Variants in CACNB2 observed in about 807,000 individuals in gnomAD.
CACNB2 encodes calcium voltage-gated channel auxiliary subunit beta 2.
A neutral mutation model predicts 73.3 loss-of-function variants in CACNB2; 42 were observed. That is an observed-to-expected ratio of 0.57 (90% CI 0.45 to 0.74). The LOEUF is 0.74. Ranked by LOEUF, CACNB2 falls within the 30% of genes least tolerant of loss-of-function variation. The pLI is 0.00. For synonymous variants in CACNB2, 348 were observed against 310.3 expected (o/e 1.12, Z -1.28); for missense variants, 940 against 853.0 (o/e 1.10, Z -1.27).
chr10:18,489,079 C>T (rs1334174224), intron 3 of CACNB2, among the ~76,000 whole-genome samples: 2 of 151,866 alleles, frequency 1.3e-5, no homozygotes, highest in Non-Finnish European at 2.9e-5. Flanking sequence ...TTTGGGAGGC[C>T]GAGGTGGGCG....
chr10:18,434,226 T>C (rs2046024835), intron 3 of CACNB2, among the ~76,000 whole-genome samples: 1 of 152,178 alleles, frequency 6.6e-6, no homozygotes, highest in Admixed American at 6.6e-5. Flanking sequence ...ATTTATATTA[T>C]AGAGTTCATA....
At chr10:18,224,785 C>A (rs1180101306) in intron 2 of CACNB2, among the ~76,000 whole-genome samples, 2 of 152,160 alleles carry the variant, frequency 1.3e-5, no homozygotes, top group East Asian at 3.9e-4. Flanking sequence ...TTACGGCCTG[C>A]CGAGCCAAAT....
chr10:18,448,478 TTAA>T (rs1440081082), intron 3 of CACNB2, among the ~76,000 whole-genome samples: 2 of 45,890 alleles, frequency 4.4e-5, no homozygotes, highest in African/African-American at 1.8e-4. Context: ...TCTCTCTCAT[TTAA>T]AAAAAAAAAA....
chr10:18,408,736 CA>C (rs543870002), intron 3 of CACNB2, among the ~76,000 whole-genome samples: 20 of 152,250 alleles, frequency 1.3e-4, no homozygotes, highest in African/African-American at 4.3e-4. Context: ...CACGTGTCAT[CA>C]GATAGAGAAG....
At chr10:18,169,514 A>C (rs1347559016) in intron 2 of CACNB2, among the ~76,000 whole-genome samples, 2 of 152,228 alleles carry the variant, frequency 1.3e-5, no homozygotes, top group African/African-American at 4.8e-5. Flanking sequence ...TAACAGGCAT[A>C]ATTGTACGGG....
rs867757412 is a variant in CACNB2 at position 18,489,042 on chromosome 10, G to A, written c.334-9313G>A. On this transcript the variant is annotated intron_variant, in intron 3 of 13. Coordinates refer to ENST00000324631, the MANE Select transcript of CACNB2 (RefSeq NM_201596.3). ...AAAATACAAAATATTGGCCGGGCAC[G>A]GTGGCTCACACTTATAATCCCAGCA... Among the ~76,000 whole-genome samples, 8 of 151,932 alleles carry A rather than the reference G, an allele frequency of 5.3e-5. No individual in the cohort carries two copies. The South Asian group carries it at 6.3e-4, about 12-fold the overall frequency.
intron 5 of CACNB2, among the ~76,000 whole-genome samples, chr10:18,503,282 A>G (rs532783694): frequency 6.6e-6 from 1 of 152,264 alleles, no homozygotes; most frequent in South Asian, 2.1e-4. Context: ...TGTATTGAAA[A>G]TGGTATCATA....
At chr10:18,325,431 G>A in intron 2 of CACNB2, among the ~76,000 whole-genome samples, 1 of 151,694 alleles carries the variant, frequency 6.6e-6, no homozygotes, top group Admixed American at 6.6e-5. Context: ...CTGGTCTCAG[G>A]CAATCCTCCT....
intron 7 of CACNB2, among the ~76,000 whole-genome samples, chr10:18,517,968 A>G (rs946632614): frequency 6.6e-6 from 1 of 152,258 alleles, no homozygotes; most frequent in Non-Finnish European, 1.5e-5. Flanking sequence ...AGAAAATTCA[A>G]ATGCAGCCGA....
intron 2 of CACNB2, among the ~76,000 whole-genome samples, chr10:18,306,726 T>C (rs2039744016): frequency 6.6e-6 from 1 of 152,162 alleles, no homozygotes; most frequent in African/African-American, 2.4e-5. Context: ...GCTTCTTTGT[T>C]GCCAAAGACT....
chr10:18,220,201 G>GTGTATA (rs1251166931), intron 2 of CACNB2, among the ~76,000 whole-genome samples: 244 of 23,230 alleles, frequency 0.011, 8 homozygotes, highest in South Asian at 0.02. Context: ...ATATGTGTGT[G>GTGTATA]TATATATATA....
chr10:18,378,176 T>C (rs1213377863), intron 2 of CACNB2, among the ~76,000 whole-genome samples: 1 of 152,148 alleles, frequency 6.6e-6, no homozygotes, highest in Non-Finnish European at 1.5e-5. Flanking sequence ...AATAAACTTC[T>C]CCCTAGACCT....
chr10:18,423,146 T>G (rs1374516395), intron 3 of CACNB2, among the ~76,000 whole-genome samples: 1 of 152,022 alleles, frequency 6.6e-6, no homozygotes, highest in African/African-American at 2.4e-5. Flanking sequence ...TTATCTTACC[T>G]GTTTTATGGG....
At chr10:18,340,913 G>T (rs2041206862) in intron 2 of CACNB2, 1 of 1,614,136 alleles carries the variant, frequency 6.2e-7, no homozygotes, top group Non-Finnish European at 8.5e-7. Context: ...GGGCGCACTT[G>T]GAATTGGTCT....
intron 3 of CACNB2, among the ~76,000 whole-genome samples, chr10:18,409,855 G>A (rs11818647): frequency 6.6e-6 from 1 of 152,112 alleles, no homozygotes; most frequent in Admixed American, 6.6e-5. Context: ...TCATCACTTA[G>A]GATGGAGATC....
At chr10:18,450,184 G>T (rs979465602) in intron 3 of CACNB2, among the ~76,000 whole-genome samples, 1 of 152,168 alleles carries the variant, frequency 6.6e-6, no homozygotes, top group African/African-American at 2.4e-5. Context: ...TAAAATGCCT[G>T]TGTGTTGTAT....
At chr10:18,224,907 T>G (rs896372643) in intron 2 of CACNB2, among the ~76,000 whole-genome samples, 1 of 152,160 alleles carries the variant, frequency 6.6e-6, no homozygotes, top group African/African-American at 2.4e-5. Context: ...GACAGGCACA[T>G]TCATCTATAC....
chr10:18,224,188 T>A (rs935288386), intron 2 of CACNB2: 5 of 152,164 alleles, frequency 3.3e-5, no homozygotes, highest in African/African-American at 1.2e-4. Flanking sequence ...TTTCTTGTCT[T>A]TTTTGGCTAG....
chr10:18,539,740 G>GTTTTT lies in CACNB2; in HGVS notation c.*31_*35dup, dbSNP rs34022725. On this transcript the variant is annotated 3_prime_UTR_variant, in exon 14 of 14. Coordinates refer to ENST00000324631, the MANE Select transcript of CACNB2 (RefSeq NM_201596.3). Reference sequence around the variant, plus strand: ...CCGCCAATGAGTTTTGCCCGTTTGTGTTTTTTTTTTTTTTTTTTTGAAGTC... The same window carrying GTTTTT: ...CCGCCAATGAGTTTTGCCCGTTTGTGTTTTTTTTTTTTTTTTTTTTTTTTGAAGTC... 2.8e-6 allele frequency: 4 copies of GTTTTT among 1,449,374 alleles called. No individual in the cohort carries two copies. Among genetic ancestry groups the GTTTTT allele is most frequent in the South Asian group, 2.5e-5 (2 of 79,344 alleles). 89.8% of individuals were successfully genotyped at this position (1,449,374 alleles called of 1,614,324 possible).
Sources: allele counts gnomAD v4.1 joint callset (sites outside exome capture counted in the v4.1 genomes callset), GRCh38; gene constraint gnomAD v4.1.1; transcripts MANE v1.5; gene names NCBI Gene and HGNC (gene_info 2026-07-23, HGNC 2026-07-21).